Variants in ITGB6 observed in about 807,000 individuals in gnomAD.
ITGB6 encodes integrin beta-6.
Under a neutral mutation model 84.5 loss-of-function variants are expected in ITGB6, and 80 were observed. The ratio of observed to expected loss-of-function variants is 0.95; its 90% CI spans 0.79 to 1.14. The LOEUF (loss-of-function observed/expected upper bound fraction) is 1.14. ITGB6 is among the 50% of genes most tolerant of loss of function. ITGB6 has a pLI of 0.00. For missense variants in ITGB6, 1,006 were observed against 968.0 expected (o/e 1.04, Z -0.52); for synonymous variants, 383 against 354.9 (o/e 1.08, Z -0.89).
At chr2:160,128,563 T>C (rs1427708651) in intron 10 of ITGB6, among the ~76,000 whole-genome samples, 3 of 152,106 alleles carry the variant, frequency 2.0e-5, no homozygotes, top group African/African-American at 4.8e-5. Flanking sequence ...TATGAGACCA[T>C]GAACCAAGGC....
In ITGB6 at chr2:160,165,928, C is replaced by A. The variant is rs1342607875; in HGVS notation, c.1017+3284G>T. The stretch of plus-strand genomic sequence containing the variant: ...TGGGCTTCCTCAATCTTAACAAGTG[C>A]TTGTCACGCAAAACTCCAAGTCTTT... On this transcript the variant is annotated intron_variant, in intron 7 of 14. Coordinates refer to ENST00000283249, the MANE Select transcript of ITGB6 (RefSeq NM_000888.5). 1.4e-4 allele frequency among the ~76,000 whole-genome samples: 21 copies of A among 152,204 alleles called. 1 individual carries two copies. Among genetic ancestry groups the A allele is most frequent in the Non-Finnish European group, 1.6e-4 (11 of 68,030 alleles).
chr2:160,190,546 A>G (rs1463933097), intron 4 of ITGB6, among the ~76,000 whole-genome samples: 1 of 152,128 alleles, frequency 6.6e-6, no homozygotes, highest in African/African-American at 2.4e-5. Context: ...TGCTTCCCCA[A>G]AGGATTTCAG....
At chr2:160,137,001 C>T (rs1476284539) in intron 10 of ITGB6, among the ~76,000 whole-genome samples, 15 of 148,674 alleles carry the variant, frequency 1.0e-4, no homozygotes, top group Middle Eastern at 3.5e-3. Context: ...TGTATATATA[C>T]GTAACAAACC....
chr2:160,112,105 G>T lies in ITGB6; in HGVS notation c.2076C>A (p.Thr692=). The T allele has an allele frequency of 6.2e-7, 1 of 1,612,902 alleles. No homozygotes were observed. Among genetic ancestry groups the T allele is most frequent in the Non-Finnish European group, 8.5e-7 (1 of 1,179,626 alleles). The stretch of plus-strand genomic sequence containing the variant: ...CTTTTTCATTGATGCTGTGAATGAT[G>T]GTTTTCCCCTCATTATCTGTAGTTA... ...FLITTDNEGK[T]IIHSINEKDC... The change falls in exon 13 of 15, where the codon ACC becomes ACA. Residue 692 remains threonine, a synonymous_variant. Coordinates refer to ENST00000283249, the MANE Select transcript of ITGB6 (RefSeq NM_000888.5).
intron 3 of ITGB6, among the ~76,000 whole-genome samples, 153 bp downstream of exon 3, chr2:160,196,063 G>A (rs147156037): frequency 0.016 from 2,509 of 152,284 alleles, 28 homozygotes; most frequent in Non-Finnish European, 0.023. Context: ...ATAGAGAAAT[G>A]TGTGAGCCTA....
chr2:160,177,841 A>G (rs907070481), intron 4 of ITGB6, among the ~76,000 whole-genome samples: 1 of 152,076 alleles, frequency 6.6e-6, no homozygotes, highest in Admixed American at 6.6e-5. Context: ...GTGGTAGAAA[A>G]TACATTGGAT....
rs937898195 is a variant in ITGB6 at position 160,134,768 on chromosome 2, C to T, written c.1660+2666G>A. On this transcript the variant is annotated intron_variant, in intron 10 of 14. Transcript: ENST00000283249. ...GATTCAACATACACAAATCAATAAA[C>T]GTAATCTAGCATATAAACAGAACCA... Among the ~76,000 whole-genome samples the T allele has an allele frequency of 1.2e-4, 18 of 152,162 alleles. 1 individual carries two copies. In the South Asian group the frequency reaches 1.2e-3, roughly 11 times the overall value.
intron 5 of ITGB6, among the ~76,000 whole-genome samples, chr2:160,173,765 A>G (rs538937832): frequency 7.9e-5 from 12 of 152,204 alleles, no homozygotes; most frequent in Non-Finnish European, 1.6e-4. Flanking sequence ...ATTTTCTTAG[A>G]TTATTCAAAT....
chr2:160,195,596 C>A lies in ITGB6; in HGVS notation c.366G>T (p.Gln122His), dbSNP rs758595294. ...AGTCCTCAGTCTGGCGGACATGCAC[C>A]TGCAGAGTCTGCGCACCACCTGCAA... is the stretch of plus-strand genomic sequence containing the variant. ...KLRPGGAQTL[Q>H]VHVRQTEDYP... The change falls in exon 4 of 15, where the codon CAG (glutamine) becomes CAT (histidine). Residue 122 changes from glutamine (Q) to histidine (H), a missense_variant. Coordinates refer to ENST00000283249, the MANE Select transcript of ITGB6 (RefSeq NM_000888.5). 1.2e-6 allele frequency: 2 copies of A among 1,614,012 alleles called. No individual in the cohort carries two copies. Among genetic ancestry groups the A allele is most frequent in the East Asian group, 4.5e-5 (2 of 44,874 alleles).
rs765208666 is a variant in ITGB6 at position 160,200,032 on chromosome 2, A to G, written c.32T>C (p.Leu11Pro). Residue 11 changes from leucine to proline, a missense_variant, in exon 1 of 15, where the codon CTA (leucine) becomes CCA (proline). Transcript: ENST00000283249. ...TACGTGATCATTCCTTCCTAGAAAT[A>G]GAAAGAACAGGCAAAGCAGTTCAAT... MGIELLCLFF[L>P]FLGRNDHVQG... The G allele has an allele frequency of 6.2e-7, 1 of 1,613,954 alleles. No homozygotes were observed. The highest frequency in any genetic ancestry group is 8.5e-7 in the Non-Finnish European group (1 of 1,179,848).
rs192173720 is a variant in ITGB6, at chr2:160,177,272, T to C, written c.594-3133A>G. ...TACATTTCTTATTCTAATTTAATTT[T>C]AAGAACCATCCTGGCCAGGCGCTGT... On this transcript the variant is annotated intron_variant, in intron 4 of 14. Coordinates refer to ENST00000283249, the MANE Select transcript of ITGB6 (RefSeq NM_000888.5). 1.4e-4 allele frequency among the ~76,000 whole-genome samples: 22 copies of C among 152,238 alleles called. No homozygotes were observed. In the East Asian group the frequency reaches 4.1e-3, roughly 28 times the overall value.
chr2:160,109,921 AT>A (rs1697061134), intron 13 of ITGB6, among the ~76,000 whole-genome samples: 1 of 152,220 alleles, frequency 6.6e-6, no homozygotes, highest in Non-Finnish European at 1.5e-5. Context: ...AAAATGTAAA[AT>A]ATCTCAGCTT....
In ITGB6 at chr2:160,196,268, A is replaced by G. The variant is rs1686331354; in HGVS notation, c.294T>C (p.Ser98=). The change falls in exon 3 of 15, where the codon AGT becomes AGC. Residue 98 remains serine, a synonymous_variant. Transcript: ENST00000283249. ...GAGGCGCAATCTGAACAATGTCAGA[A>G]CTATTTTTCTGTCTGCCTACACTGA... ...KPLSVGRQKN[S]SDIVQIAPQS... is the part of the protein sequence containing the mutation. 2 of 1,614,074 alleles carry G rather than the reference A, an allele frequency of 1.2e-6. No homozygotes were observed. The highest frequency in any genetic ancestry group is 1.7e-4 in the Middle Eastern group (1 of 6,058).
At chr2:160,113,524 T>C (rs945786439) in intron 12 of ITGB6, among the ~76,000 whole-genome samples, 3 of 152,196 alleles carry the variant, frequency 2.0e-5, no homozygotes, top group Non-Finnish European at 4.4e-5. Context: ...TTTGAACCCA[T>C]TAGAAACATC....
Position 160,137,796 on chromosome 2 carries a change from A to G in ITGB6, c.1298T>C (p.Ile433Thr), listed in dbSNP as rs761994942. ...CCCCAGCCCCACAGGCTTTATGATAATGTGCCTGCTTCTTCTCTCGCAGTG... is the reference window on the plus strand; with the variant it reads ...CCCCAGCCCCACAGGCTTTATGATAGTGTGCCTGCTTCTTCTCTCGCAGTG... ...IPHCERRSRH[I>T]IIKPVGLGDA... The change falls in exon 10 of 15, where the codon ATT (isoleucine) becomes ACT (threonine). Residue 433 changes from isoleucine to threonine, a missense_variant. Coordinates refer to ENST00000283249, the MANE Select transcript of ITGB6 (RefSeq NM_000888.5). 3 of 1,614,130 alleles carry G rather than the reference A, an allele frequency of 1.9e-6. No individual in the cohort carries two copies. The highest frequency in any genetic ancestry group is 2.5e-6 in the Non-Finnish European group (3 of 1,180,000).
At chr2:160,180,213 G>A (rs1259888841) in intron 4 of ITGB6, among the ~76,000 whole-genome samples, 2 of 151,724 alleles carry the variant, frequency 1.3e-5, no homozygotes, top group Non-Finnish European at 2.9e-5. Context: ...AACCACTTCA[G>A]CATTTTTAAC....
At position 160,112,137 on chromosome 2, in the gene ITGB6, A is replaced by T; in HGVS notation, c.2044T>A (p.Phe682Ile). 6.2e-7 allele frequency: 1 copy of T among 1,610,498 alleles called. No individual in the cohort carries two copies. The highest frequency in any genetic ancestry group is 1.1e-5 in the South Asian group (1 of 90,816). ...LQGENECLIT[F>I]LITTDNEGKT... ...CCCTCATTATCTGTAGTTATTAGGA[A>T]TGTAATAAGACATTCATTTTCTCCT... Residue 682 changes from phenylalanine to isoleucine, a missense_variant, in exon 13 of 15, where the codon TTC becomes ATC. Physicochemically the swap from Phe to Ile is conservative, Grantham distance 21. Coordinates refer to ENST00000283249, the MANE Select transcript of ITGB6 (RefSeq NM_000888.5).
rs747415493 is a variant in ITGB6 at position 160,138,193 on chromosome 2, G to A, written c.1114C>T (p.Arg372Trp). 1.7e-5 allele frequency: 28 copies of A among 1,605,754 alleles called. No individual in the cohort carries two copies. The highest frequency in any genetic ancestry group is 4.5e-5 in the South Asian group (4 of 89,002). Residue 372 changes from arginine (R) to tryptophan (W), a missense_variant, in exon 9 of 15, where the codon CGG becomes TGG. Physicochemically the swap from Arg to Trp is moderately radical, Grantham distance 101 (BLOSUM62 -3). Transcript: ENST00000283249. ...AATACTTCCAGTTCCACCTCAGACC[G>A]CAGTTCCTTTAGTTACAACATAAAG... ...QLIISAYEEL[R>W]SEVELEVLGD...
At chr2:160,114,422 C>T (rs1051129269) in intron 12 of ITGB6, among the ~76,000 whole-genome samples, 1 of 152,118 alleles carries the variant, frequency 6.6e-6, no homozygotes, top group Non-Finnish European at 1.5e-5. Context: ...CCAGGCAGTC[C>T]GTGGAACCAT....
Sources: allele counts gnomAD v4.1 joint callset (sites outside exome capture counted in the v4.1 genomes callset), GRCh38; gene constraint gnomAD v4.1.1; transcripts MANE v1.5; gene names NCBI Gene and HGNC (gene_info 2026-07-23, HGNC 2026-07-21).